Variants in PRKN observed in about 807,000 individuals in gnomAD.
The protein encoded by PRKN is E3 ubiquitin-protein ligase parkin.
A neutral mutation model predicts 59.5 loss-of-function variants in PRKN; 56 were observed. The ratio of observed to expected loss-of-function variants is 0.94; its 90% CI spans 0.76 to 1.18. The LOEUF is 1.18. Among genes scored for constraint, PRKN ranks in the 50% most tolerant of loss-of-function variants. The probability of loss-of-function intolerance (pLI) is 0.00; values close to 1 mark genes in which losing one functional copy is unlikely to be tolerated. For synonymous variants in PRKN, 250 were observed against 222.1 expected, an observed-to-expected ratio of 1.13 and a Z score of -1.12; for missense variants, 657 against 596.4, an observed-to-expected ratio of 1.10 and a Z score of -1.06.
intron 6 of PRKN, among the ~76,000 whole-genome samples, chr6:161,929,710 T>C (rs1779101836): frequency 1.3e-5 from 2 of 151,732 alleles, no homozygotes; most frequent in Admixed American, 6.6e-5. Flanking sequence ...AGAAACGGGG[T>C]TTTGCCATGT....
At chr6:162,303,608 A>G (rs772213883) in intron 2 of PRKN, among the ~76,000 whole-genome samples, 83 of 145,908 alleles carry the variant, frequency 5.7e-4, no homozygotes, top group Non-Finnish European at 5.7e-4. Flanking sequence ...AAGATTAGGA[A>G]GCTGTAAAAA....
chr6:161,824,404 C>T (rs1242530487), intron 6 of PRKN, among the ~76,000 whole-genome samples: 4 of 152,150 alleles, frequency 2.6e-5, no homozygotes, highest in Non-Finnish European at 5.9e-5. Context: ...GAATCATGTA[C>T]GCTTTTTGTT....
At chr6:161,717,276 G>T (rs554523633) in intron 7 of PRKN, among the ~76,000 whole-genome samples, 3 of 152,330 alleles carry the variant, frequency 2.0e-5, no homozygotes, top group African/African-American at 7.2e-5. Flanking sequence ...ATGCGGACGG[G>T]CAAGAGGACT....
intron 1 of PRKN, among the ~76,000 whole-genome samples, chr6:162,657,295 T>G (rs1390686661): frequency 1.3e-5 from 2 of 152,340 alleles, no homozygotes; most frequent in East Asian, 3.9e-4. Context: ...ATTCTATTCA[T>G]TTGATACTAT....
At chr6:162,208,125 T>C (rs1017704322) in intron 3 of PRKN, among the ~76,000 whole-genome samples, 1 of 152,234 alleles carries the variant, frequency 6.6e-6, no homozygotes, top group African/African-American at 2.4e-5. Context: ...ATTCTAAGTT[T>C]ACCAACAAGT....
intron 2 of PRKN, among the ~76,000 whole-genome samples, chr6:162,348,206 A>T (rs545303698): frequency 1.3e-3 from 196 of 152,314 alleles, no homozygotes; most frequent in African/African-American, 4.5e-3. Context: ...CAGAGCATTG[A>T]GTAGAATACA....
At chr6:162,467,019 C>A (rs889411053) in intron 1 of PRKN, among the ~76,000 whole-genome samples, 12 of 152,132 alleles carry the variant, frequency 7.9e-5, no homozygotes, top group African/African-American at 2.2e-4. Flanking sequence ...GAAAAATACA[C>A]TGAGCCCAAC....
intron 1 of PRKN, among the ~76,000 whole-genome samples, chr6:162,724,838 C>T (rs1045819905): frequency 6.6e-6 from 1 of 152,162 alleles, no homozygotes; most frequent in Admixed American, 6.5e-5. Context: ...CTAAGTAGTA[C>T]AACGAAGGTC....
At chr6:161,681,615 T>C (rs989137864) in intron 7 of PRKN, among the ~76,000 whole-genome samples, 7 of 152,204 alleles carry the variant, frequency 4.6e-5, no homozygotes, top group Non-Finnish European at 7.3e-5. Flanking sequence ...TTATCCACAC[T>C]GTGCTTTGAC....
At chr6:162,048,840 G>C (rs1777499690) in intron 5 of PRKN, among the ~76,000 whole-genome samples, 2 of 152,024 alleles carry the variant, frequency 1.3e-5, no homozygotes, top group African/African-American at 4.8e-5. Flanking sequence ...AGGTATCATA[G>C]GTAAATTATA....
chr6:162,568,304 C>A (rs764159710), intron 1 of PRKN: 2 of 282,684 alleles, frequency 7.1e-6, no homozygotes, highest in Non-Finnish European at 6.8e-6. Context: ...TGCACAGTGA[C>A]CAAGAAGCAG....
intron 3 of PRKN, among the ~76,000 whole-genome samples, chr6:162,211,164 C>T (rs887044800): frequency 6.6e-6 from 1 of 152,146 alleles, no homozygotes; most frequent in East Asian, 1.9e-4. Flanking sequence ...GGGACTGATT[C>T]CATGGCTCTT....
intron 1 of PRKN, among the ~76,000 whole-genome samples, chr6:162,647,983 C>T (rs1029876761): frequency 3.9e-5 from 4 of 103,814 alleles, no homozygotes; most frequent in East Asian, 2.6e-4. Context: ...AAAAAGTCTA[C>T]GGGGCAAAAT....
intron 7 of PRKN, among the ~76,000 whole-genome samples, chr6:161,570,980 C>T (rs1583242401): frequency 6.6e-6 from 1 of 152,170 alleles, no homozygotes; most frequent in Non-Finnish European, 1.5e-5. Flanking sequence ...TAACTCCAGG[C>T]TGGGGTGCAG....
Position 161,480,588 on chromosome 6 carries a change from C to T in PRKN, c.1083+68266G>A, listed in dbSNP as rs956598632. ...ATTCCTGGTTCTGGGCTTTGGGGCA[C>T]AAGGAGCCAAGTACACTATTACAGG... On this transcript the variant is annotated intron_variant, in intron 9 of 11. Transcript: ENST00000366898. This position sits in a 1 kb window ranked among gnomAD's most constrained non-coding sequence, Gnocchi z 4.1. 1.3e-5 allele frequency among the ~76,000 whole-genome samples: 2 copies of T among 152,046 alleles called. No homozygotes were observed. Among genetic ancestry groups the T allele is most frequent in the Admixed American group, 1.3e-4 (2 of 15,276 alleles).
chr6:162,451,844 AAT>A (rs1235851239), intron 1 of PRKN, among the ~76,000 whole-genome samples: 2 of 152,214 alleles, frequency 1.3e-5, no homozygotes, highest in African/African-American at 4.8e-5. Flanking sequence ...CTCAAATTTT[AAT>A]ATGTGATGAA....
intron 9 of PRKN, among the ~76,000 whole-genome samples, chr6:161,403,660 C>T (rs1268825000): frequency 6.6e-6 from 1 of 152,184 alleles, no homozygotes; most frequent in Non-Finnish European, 1.5e-5. Context: ...TATCTTCTCC[C>T]TAGCCCTCCT....
chr6:162,356,083 C>A lies in PRKN; in HGVS notation c.171+87227G>T, dbSNP rs566724883. 2.9e-4 allele frequency among the ~76,000 whole-genome samples: 44 copies of A among 152,178 alleles called. No homozygotes were observed. In the South Asian group the frequency reaches 8.5e-3, roughly 29 times the overall value. ...GGGCACTGTGGGCACTTTACACCTGCCACATTCAGAGACAAGGCCAAAACC... is the reference window on the plus strand; with the variant it reads ...GGGCACTGTGGGCACTTTACACCTGACACATTCAGAGACAAGGCCAAAACC... On this transcript the variant is annotated intron_variant, in intron 2 of 11. Transcript: ENST00000366898.
intron 7 of PRKN, among the ~76,000 whole-genome samples, chr6:161,646,668 G>A (rs1049140750): frequency 6.6e-6 from 1 of 152,184 alleles, no homozygotes; most frequent in Non-Finnish European, 1.5e-5. Context: ...TCAGTGACAG[G>A]GCTCATTGTA....
Sources: gnomAD v4.1 joint callset for allele counts (sites outside exome capture counted in the v4.1 genomes callset) on GRCh38, gnomAD v4.1.1 for gene constraint, Gnocchi (gnomAD v3.1) non-coding constraint, MANE v1.5 for transcripts, NCBI Gene and HGNC (gene_info 2026-07-23, HGNC 2026-07-21) for gene names.